BANP: variants seen among roughly 807,000 people sequenced by gnomAD.
The protein encoded by BANP is protein BANP.
A neutral mutation model predicts 68.1 loss-of-function variants in BANP; 11 were observed. The observed-to-expected ratio is 0.16, with a 90% CI of 0.10 to 0.27. The LOEUF is 0.27. Ranked by LOEUF, BANP falls within the 10% of genes least tolerant of loss-of-function variation. BANP has a pLI of 1.00. For synonymous variants in BANP, 329 were observed against 303.2 expected (o/e 1.09, Z -0.88); for missense variants, 504 against 722.7 (o/e 0.70, Z 3.47).
intron 11 of BANP, among the ~76,000 whole-genome samples, chr16:88,058,797 C>G (rs2085862776): frequency 6.6e-6 from 1 of 152,222 alleles, no homozygotes; most frequent in African/African-American, 2.4e-5. Context: ...AAATATGCAT[C>G]AAGGGTAGAA....
At chr16:88,056,461 C>CTT (rs5818659) in intron 11 of BANP, among the ~76,000 whole-genome samples, 13,793 of 119,634 alleles carry the variant, frequency 0.12, 1,173 homozygotes, top group African/African-American at 0.25. Context: ...TATTCTCTCT[C>CTT]TTTTTTTTTT....
At chr16:88,070,376 C>T (rs1253904762) in intron 12 of BANP, among the ~76,000 whole-genome samples, 1 of 152,118 alleles carries the variant, frequency 6.6e-6, no homozygotes, top group African/African-American at 2.4e-5. Flanking sequence ...TAGGGGCCGT[C>T]GGGTAAAGAA....
chr16:87,982,964 C>T (rs546182681), intron 3 of BANP, among the ~76,000 whole-genome samples: 22 of 151,898 alleles, frequency 1.4e-4, no homozygotes, highest in African/African-American at 5.1e-4. Flanking sequence ...GTGGGCCGGC[C>T]TCCCGCTCCC....
chr16:87,961,235 G>A (rs1344194145), intron 1 of BANP, among the ~76,000 whole-genome samples: 3 of 152,212 alleles, frequency 2.0e-5, no homozygotes, highest in African/African-American at 7.2e-5. Flanking sequence ...TTGGTGTGGT[G>A]TCAAAGAGGA....
intron 2 of BANP, 36 bp downstream of exon 2, chr16:87,975,221 C>T (rs745827475): frequency 1.2e-6 from 2 of 1,606,220 alleles, no homozygotes; most frequent in South Asian, 2.2e-5. Context: ...AAATATTATT[C>T]TCTTTATTCT....
chr16:87,984,188 C>G lies in BANP; in HGVS notation c.291C>G (p.His97Gln), dbSNP rs775757102. ...TGGATCTGGTCACGAACAAGCAGCA[C>G]AGCCCCATCCAGGTCCCCATGGTGG... The part of the protein sequence containing the change: ...EKLDLVTNKQ[H>Q]SPIQVPMVAG... Residue 97 changes from histidine (H) to glutamine (Q), a missense_variant, in exon 4 of 14, where the codon CAC (histidine) becomes CAG (glutamine). His to Gln is a conservative substitution (Grantham distance 24, BLOSUM62 0). Around this residue, in one of 3 missense-constraint regions of BANP, gnomAD observed 238 missense variants for 278.9 expected, o/e 0.85. Coordinates refer to ENST00000682872, the MANE Select transcript of BANP (RefSeq NM_001386991.1). 5.6e-6 allele frequency: 9 copies of G among 1,607,118 alleles called. No individual in the cohort carries two copies. Among genetic ancestry groups the G allele is most frequent in the Non-Finnish European group, 6.8e-6 (8 of 1,176,112 alleles).
chr16:88,067,765 G>T (rs768401144), intron 12 of BANP, among the ~76,000 whole-genome samples: 2 of 152,052 alleles, frequency 1.3e-5, no homozygotes, highest in Non-Finnish European at 2.9e-5. Flanking sequence ...CACTGACCTC[G>T]CCCTGCTCCA....
chr16:87,962,776 A>G (rs904907243), intron 1 of BANP, among the ~76,000 whole-genome samples: 6 of 152,142 alleles, frequency 3.9e-5, no homozygotes, highest in Admixed American at 2.0e-4. Flanking sequence ...TTTCCCGCCT[A>G]TCTAGCATCC....
chr16:87,949,777 G>T (rs2056628478), upstream of BANP: 1 of 152,178 alleles, frequency 6.6e-6, no homozygotes. Flanking sequence ...GTTGCCCAAG[G>T]TCGCATAGCC....
chr16:88,073,340 C>T (rs911404543), intron 13 of BANP, among the ~76,000 whole-genome samples: 14 of 152,190 alleles, frequency 9.2e-5, no homozygotes, highest in Non-Finnish European at 1.5e-5. Context: ...GAAGGTCTGG[C>T]CCCTCCTCTG....
intron 8 of BANP, among the ~76,000 whole-genome samples, chr16:88,031,672 A>G (rs1380823041): frequency 1.3e-5 from 2 of 151,872 alleles, no homozygotes; most frequent in South Asian, 4.1e-4. Context: ...AAGAAACCCA[A>G]CATTTTATTG....
intron 11 of BANP, among the ~76,000 whole-genome samples, chr16:88,046,649 G>A (rs1243414907): frequency 2.6e-5 from 4 of 151,920 alleles, no homozygotes; most frequent in Non-Finnish European, 4.4e-5. Flanking sequence ...AGGTTCAGGC[G>A]ATTCTCCTGC....
chr16:88,036,956 A>G lies in BANP; in HGVS notation c.1273-1017A>G, dbSNP rs1326549408. On this transcript the variant is annotated intron_variant, in intron 10 of 13. Transcript: ENST00000682872. This position sits in a 1 kb window ranked among gnomAD's most constrained non-coding sequence, Gnocchi z 4.2. Reference sequence around the variant, plus strand: ...CTGCGAGGTGCAGGATCCCAGCAGCACCTTCCAGTGCAGGAGCTGCCTTTG... The same window carrying G: ...CTGCGAGGTGCAGGATCCCAGCAGCGCCTTCCAGTGCAGGAGCTGCCTTTG... Among the ~76,000 whole-genome samples, 2 of 152,148 alleles carry G rather than the reference A, an allele frequency of 1.3e-5. No homozygotes were observed. The highest frequency in any genetic ancestry group is 3.9e-4 in the East Asian group (2 of 5,184).
chr16:88,044,452 C>T (rs563389929), intron 11 of BANP, among the ~76,000 whole-genome samples: 1 of 152,362 alleles, frequency 6.6e-6, no homozygotes. Context: ...GTGCTGATTG[C>T]ACTAATATTT....
chr16:87,973,205 G>T (rs758932449), intron 1 of BANP, among the ~76,000 whole-genome samples: 2 of 152,030 alleles, frequency 1.3e-5, no homozygotes, highest in East Asian at 3.9e-4. Flanking sequence ...TAGAGGTTCA[G>T]CGCTGGTGCC....
chr16:88,032,805 T>C (rs1401249803), intron 8 of BANP, among the ~76,000 whole-genome samples: 1 of 152,242 alleles, frequency 6.6e-6, no homozygotes, highest in Non-Finnish European at 1.5e-5. Flanking sequence ...CTGAAACAGC[T>C]TTTAATGTCC....
At chr16:88,050,633 C>CAA (rs1196798958) in intron 11 of BANP, among the ~76,000 whole-genome samples, 17 of 152,290 alleles carry the variant, frequency 1.1e-4, no homozygotes, top group Non-Finnish European at 1.2e-4. Flanking sequence ...AGAGCATCTG[C>CAA]ACTCAGAAAC....
intron 11 of BANP, among the ~76,000 whole-genome samples, chr16:88,061,393 CT>C (rs2086744684): frequency 6.6e-6 from 1 of 152,224 alleles, no homozygotes; most frequent in Admixed American, 6.5e-5. Context: ...TGTGCTGTTT[CT>C]TTTTCTCCAG....
At chr16:88,022,045 C>A (rs1799960251) in intron 7 of BANP, among the ~76,000 whole-genome samples, 1 of 151,982 alleles carries the variant, frequency 6.6e-6, no homozygotes. Context: ...CTTAGGGTTC[C>A]CAAGGATTGG....
Sources: gnomAD v4.1 joint callset for allele counts (sites outside exome capture counted in the v4.1 genomes callset) on GRCh38, gnomAD v4.1.1 for gene constraint, gnomAD v4.1.1 regional missense constraint, Gnocchi (gnomAD v3.1) non-coding constraint, MANE v1.5 for transcripts, NCBI Gene and HGNC (gene_info 2026-07-23, HGNC 2026-07-21) for gene names.